Variants in FSD1L observed in about 807,000 individuals in gnomAD.
The protein encoded by FSD1L is FSD1-like protein.
Under a neutral mutation model 71.6 loss-of-function variants are expected in FSD1L, and 45 were observed. That is an observed-to-expected ratio of 0.63 (90% CI 0.49 to 0.81). The LOEUF (loss-of-function observed/expected upper bound fraction) is 0.81, where lower values mean the gene tolerates loss of function less well. Among genes scored for constraint, FSD1L ranks in the 30% least tolerant of loss-of-function variants. The pLI is 0.00. For synonymous variants in FSD1L, 197 were observed against 207.2 expected (o/e 0.95, Z 0.42); for missense variants, 561 against 618.1 (o/e 0.91, Z 0.98).
chr9:105,478,478 G>C (rs927550243), intron 5 of FSD1L, among the ~76,000 whole-genome samples: 14 of 152,270 alleles, frequency 9.2e-5, no homozygotes, highest in African/African-American at 3.1e-4. Flanking sequence ...ACAGTGTTGA[G>C]CAAAACAGCC....
chr9:105,522,193 C>T (rs1357164458), intron 10 of FSD1L: 10 of 1,613,632 alleles, frequency 6.2e-6, no homozygotes, highest in Non-Finnish European at 8.5e-6. Flanking sequence ...GACTTACTGT[C>T]AGTATTGTCA....
At chr9:105,493,870 G>A (rs1015999526) in intron 7 of FSD1L, among the ~76,000 whole-genome samples, 26 of 152,270 alleles carry the variant, frequency 1.7e-4, no homozygotes, top group African/African-American at 3.6e-4. Flanking sequence ...CGAGAGATCC[G>A]CTGTTAGTCT....
At chr9:105,494,753 G>T (rs950767889) in intron 7 of FSD1L, among the ~76,000 whole-genome samples, 5 of 152,162 alleles carry the variant, frequency 3.3e-5, no homozygotes, top group African/African-American at 1.2e-4. Flanking sequence ...TTTGAAGTTT[G>T]CTAGAGGTGC....
At chr9:105,516,149 T>A (rs927698518) in intron 10 of FSD1L, among the ~76,000 whole-genome samples, 5 of 152,116 alleles carry the variant, frequency 3.3e-5, no homozygotes, top group South Asian at 4.1e-4. Flanking sequence ...AGATTTCTCC[T>A]CTCTGAGCAG....
chr9:105,487,865 A>G (rs1204762272), intron 7 of FSD1L, among the ~76,000 whole-genome samples: 1 of 152,234 alleles, frequency 6.6e-6, no homozygotes, highest in Non-Finnish European at 1.5e-5. Context: ...CTTTTTAAAA[A>G]TAAACTGTAG....
intron 1 of FSD1L, among the ~76,000 whole-genome samples, chr9:105,460,994 A>C (rs1030672162): frequency 3.3e-5 from 5 of 152,208 alleles, no homozygotes; most frequent in African/African-American, 1.2e-4. Context: ...GAAATGAGTG[A>C]AATTCTGGTA....
chr9:105,471,197 C>T (rs184363140), intron 4 of FSD1L, among the ~76,000 whole-genome samples: 1 of 152,320 alleles, frequency 6.6e-6, no homozygotes, highest in Non-Finnish European at 1.5e-5. Flanking sequence ...AAGTCTTTTG[C>T]ATATTGAGTG....
chr9:105,525,365 C>T lies in FSD1L; in HGVS notation c.1026-9128C>T, dbSNP rs113390993. The T allele has an allele frequency of 6.6e-4, 1,053 of 1,594,222 alleles. 9 individuals carry two copies. In the African/African-American group the frequency reaches 0.012, roughly 18 times the overall value. On this transcript the variant is annotated intron_variant, in intron 10 of 13. Coordinates refer to ENST00000481272, the MANE Select transcript of FSD1L (RefSeq NM_001145313.3). ...AGAACTGGAATCTCACTTAATATTC[C>T]TGCTCCACAACCTGTGTGCATTTCT...
chr9:105,488,916 A>G (rs1353285659), intron 7 of FSD1L, among the ~76,000 whole-genome samples: 1 of 151,466 alleles, frequency 6.6e-6, no homozygotes, highest in Non-Finnish European at 1.5e-5. Context: ...GCTAACACAA[A>G]CCGTGAGGTG....
At chr9:105,503,863 G>A (rs1251116101) in intron 7 of FSD1L, among the ~76,000 whole-genome samples, 4 of 151,976 alleles carry the variant, frequency 2.6e-5, no homozygotes, top group South Asian at 2.1e-4. Flanking sequence ...TCCCTCCCAC[G>A]TGTCACCACT....
intron 10 of FSD1L, 49 bp from the exon 11 acceptor site, chr9:105,534,444 A>G: frequency 3.1e-6 from 3 of 971,828 alleles, no homozygotes; most frequent in Non-Finnish European, 4.7e-6. Flanking sequence ...TTTATGAAAC[A>G]TTTACAGTAT....
At chr9:105,467,826 G>T (rs532334055) in intron 3 of FSD1L, among the ~76,000 whole-genome samples, 1 of 152,120 alleles carries the variant, frequency 6.6e-6, no homozygotes, top group African/African-American at 2.4e-5. Flanking sequence ...ATTCTGATAC[G>T]CACCAGAGGT....
chr9:105,443,056 C>T (rs1829568499), upstream of FSD1L, among the ~76,000 whole-genome samples: 1 of 152,250 alleles, frequency 6.6e-6, no homozygotes, highest in South Asian at 2.1e-4. Context: ...TCTCTTCTCA[C>T]ATGGTTTCAC....
Position 105,533,026 on chromosome 9 carries a change from G to A in FSD1L, c.1026-1467G>A, listed in dbSNP as rs77977864. ...ATCAGGGATTTCTAGTCTAGTATTG[G>A]TAGCTTATATTAAAATCTACTCAGT... On this transcript the variant is annotated intron_variant, in intron 10 of 13. Transcript: ENST00000481272. Among the ~76,000 whole-genome samples the A allele has an allele frequency of 9.2e-3, 1,402 of 152,140 alleles. 22 individuals carry two copies. The highest frequency in any genetic ancestry group is 0.032 in the African/African-American group (1,342 of 41,522).
At chr9:105,459,781 C>A (rs1362312610) in intron 1 of FSD1L, among the ~76,000 whole-genome samples, 2 of 152,152 alleles carry the variant, frequency 1.3e-5, no homozygotes, top group African/African-American at 4.8e-5. Context: ...GTTCCAGAGT[C>A]CTCTACAGCT....
rs112443099 is a variant in FSD1L, at chr9:105,525,892, A to G, written c.1026-8601A>G. ...CTCTACAGTAGAAGTAATATTTCAC[A>G]TGTCAACAAGAATGCCTTCTGATTC... On this transcript the variant is annotated intron_variant, in intron 10 of 13. Transcript: ENST00000481272. 4.8e-3 allele frequency: 7,510 copies of G among 1,562,802 alleles called. 307 individuals are homozygous for G. In the African/African-American group the frequency reaches 0.088, roughly 18 times the overall value.
At chr9:105,463,475 A>G (rs759883426) in intron 2 of FSD1L, among the ~76,000 whole-genome samples, 5 of 152,206 alleles carry the variant, frequency 3.3e-5, no homozygotes, top group Admixed American at 6.5e-5. Flanking sequence ...ATTTGACTAT[A>G]TAAACTTAAT....
intron 7 of FSD1L, among the ~76,000 whole-genome samples, chr9:105,485,385 T>G (rs1032353594): frequency 6.6e-6 from 1 of 152,098 alleles, no homozygotes; most frequent in Non-Finnish European, 1.5e-5. Context: ...ACTAACCCAG[T>G]CTTTTGAGAA....
At chr9:105,479,113 T>G (rs1832004050) in intron 5 of FSD1L, among the ~76,000 whole-genome samples, 1 of 152,188 alleles carries the variant, frequency 6.6e-6, no homozygotes, top group Non-Finnish European at 1.5e-5. Flanking sequence ...TTGTTCGAAG[T>G]GTTAAATTTT....
Sources: allele counts gnomAD v4.1 joint callset (sites outside exome capture counted in the v4.1 genomes callset), GRCh38; gene constraint gnomAD v4.1.1; transcripts MANE v1.5; gene names NCBI Gene and HGNC (gene_info 2026-07-23, HGNC 2026-07-21).